Variants in GPHN observed in about 807,000 individuals in gnomAD.
GPHN encodes gephyrin.
In GPHN, 17 loss-of-function variants were observed where a neutral mutation model predicts 95.5. The observed-to-expected ratio is 0.18, with a 90% CI of 0.12 to 0.27. GPHN has a LOEUF of 0.27. GPHN is among the 10% of genes least tolerant of loss of function. The pLI is 1.00. For synonymous variants in GPHN, 320 were observed against 322.5 expected (o/e 0.99, Z 0.08); for missense variants, 660 against 978.1 (o/e 0.67, Z 4.34).
chr14:67,344,174 A>C, the GPHN span, among the ~76,000 whole-genome samples: 1 of 152,220 alleles, frequency 6.6e-6, no homozygotes, highest in Non-Finnish European at 1.5e-5. Flanking sequence ...ATCTGTAGCC[A>C]ATGATTGTGA....
At chr14:67,383,627 A>G in the GPHN span, 2 of 724,112 alleles carry the variant, frequency 2.8e-6, no homozygotes, top group Non-Finnish European at 4.4e-6. Context: ...GTCACACAGT[A>G]GCTCCAACAC....
chr14:67,079,038 T>G (rs2076596010), intron 11 of GPHN, among the ~76,000 whole-genome samples: 1 of 152,044 alleles, frequency 6.6e-6, no homozygotes, highest in Non-Finnish European at 1.5e-5. Flanking sequence ...TAGCGTGAGT[T>G]CAAAATAAAA....
intron 9 of GPHN, among the ~76,000 whole-genome samples, chr14:67,010,410 G>T (rs1461779491): frequency 2.0e-5 from 3 of 151,734 alleles, no homozygotes; most frequent in Non-Finnish European, 4.4e-5. Context: ...AAATTAGCCA[G>T]GTGTGGTGGC....
the GPHN span, chr14:67,200,560 A>T: frequency 4.3e-6 from 1 of 234,712 alleles, no homozygotes; most frequent in Non-Finnish European, 8.0e-6. Context: ...TTAAAAAAAA[A>T]TGTAAGGAGA....
chr14:66,615,612 A>C (rs552868651), intron 1 of GPHN, among the ~76,000 whole-genome samples: 5 of 151,642 alleles, frequency 3.3e-5, no homozygotes, highest in Non-Finnish European at 7.4e-5. Context: ...GATTCTGGAT[A>C]TTAGACCTTT....
At chr14:66,922,612 A>C (rs2066280713) in intron 6 of GPHN, 54 bp from the exon 7 acceptor site, 1 of 1,409,926 alleles carries the variant, frequency 7.1e-7, no homozygotes. Flanking sequence ...CCACCATCTT[A>C]TATAATTACA....
intron 4 of GPHN, among the ~76,000 whole-genome samples, chr14:66,863,356 G>C (rs897545161): frequency 3.3e-5 from 5 of 151,998 alleles, no homozygotes; most frequent in Admixed American, 6.6e-5. Context: ...CATGTTCATG[G>C]GTTGGAAAAA....
chr14:67,656,089 T>C, the GPHN span, among the ~76,000 whole-genome samples: 1 of 151,728 alleles, frequency 6.6e-6, no homozygotes, highest in African/African-American at 2.4e-5. Context: ...CTACTAAAAA[T>C]ACAAACATTA....
At chr14:67,127,216 C>T (rs2079380034) in intron 17 of GPHN, among the ~76,000 whole-genome samples, 1 of 150,668 alleles carries the variant, frequency 6.6e-6, no homozygotes, top group East Asian at 2.0e-4. Flanking sequence ...AACTAACCTG[C>T]ACAATGTGCA....
Position 67,089,708 on chromosome 14 carries a change from G to T in GPHN, c.1237+633G>T, listed in dbSNP as rs1595090382. Among the ~76,000 whole-genome samples the T allele has an allele frequency of 2.6e-5, 4 of 151,986 alleles. No individual in the cohort carries two copies. The East Asian group carries it at 7.7e-4, about 29-fold the overall frequency. ...GCTTTCAACTCAAACATCAGTAAAG[G>T]GCTTCATGAAAAGCGGACATGAGGG... On this transcript the variant is annotated intron_variant, in intron 12 of 22. Transcript: ENST00000478722.
At chr14:67,343,249 G>T in the GPHN span, 1 of 667,900 alleles carries the variant, frequency 1.5e-6, no homozygotes, top group East Asian at 2.8e-5. Flanking sequence ...TCTTTGCACT[G>T]TGGGCAAGGG....
the GPHN span, chr14:67,203,096 C>T: frequency 1.9e-6 from 3 of 1,612,000 alleles, no homozygotes. Context: ...GCACTCAGGT[C>T]AACAGAAGAG....
the GPHN span, among the ~76,000 whole-genome samples, chr14:67,602,146 C>CA: frequency 1.3e-5 from 2 of 152,276 alleles, no homozygotes; most frequent in East Asian, 3.9e-4. Flanking sequence ...TTTATTGACT[C>CA]ACAGTTCCAC....
the GPHN span, chr14:67,364,509 T>C: frequency 1.9e-5 from 7 of 361,926 alleles, no homozygotes; most frequent in Non-Finnish European, 3.0e-5. Context: ...GTCATTATTT[T>C]TTATGATTCC....
At chr14:66,580,393 TAGA>T (rs897692984) in intron 1 of GPHN, among the ~76,000 whole-genome samples, 1 of 151,494 alleles carries the variant, frequency 6.6e-6, no homozygotes, top group African/African-American at 2.4e-5. Flanking sequence ...ATAAAAGCAA[TAGA>T]AGAGATCAAC....
the GPHN span, among the ~76,000 whole-genome samples, chr14:67,449,314 G>C: frequency 6.6e-6 from 1 of 152,198 alleles, no homozygotes; most frequent in Admixed American, 6.5e-5. Flanking sequence ...GGCTGCATTG[G>C]ATATGATCCA....
the GPHN span, among the ~76,000 whole-genome samples, chr14:67,238,533 G>C: frequency 6.6e-6 from 1 of 152,182 alleles, no homozygotes; most frequent in Non-Finnish European, 1.5e-5. Flanking sequence ...GCATCCCAAA[G>C]TGTTGGGATC....
the GPHN span, among the ~76,000 whole-genome samples, chr14:67,572,593 G>A: frequency 6.8e-6 from 1 of 147,156 alleles, no homozygotes; most frequent in Non-Finnish European, 1.5e-5. Flanking sequence ...GAATACTAAC[G>A]CAAGCTAACA....
At chr14:66,536,287 T>C (rs1160824569) in intron 1 of GPHN, among the ~76,000 whole-genome samples, 2 of 152,168 alleles carry the variant, frequency 1.3e-5, no homozygotes, top group Non-Finnish European at 2.9e-5. Context: ...TGGTAAACTT[T>C]GTCAAATTTT....
Sources: allele counts gnomAD v4.1 joint callset (sites outside exome capture counted in the v4.1 genomes callset), GRCh38; gene constraint gnomAD v4.1.1; transcripts MANE v1.5; gene names NCBI Gene and HGNC (gene_info 2026-07-23, HGNC 2026-07-21).